Variants in GPATCH2 observed in about 807,000 individuals in gnomAD.
GPATCH2 encodes G-patch domain containing 2.
GPATCH2 carries 51 observed loss-of-function variants against 58.0 expected under a neutral mutation model. The observed-to-expected ratio is 0.88, with a 90% confidence interval of 0.70 to 1.11. The LOEUF (loss-of-function observed/expected upper bound fraction) is 1.11. Ranked by LOEUF, GPATCH2 falls within the 50% of genes most tolerant of loss-of-function variation. The pLI is 0.00. For missense variants in GPATCH2, 625 were observed against 652.2 expected, an observed-to-expected ratio of 0.96 and a Z score of 0.45; for synonymous variants, 222 against 218.5, an observed-to-expected ratio of 1.02 and a Z score of -0.14.
At chr1:217,584,344 A>AAATATATATATAT (rs1463910405) in intron 5 of GPATCH2, among the ~76,000 whole-genome samples, 1 of 101,876 alleles carries the variant, frequency 9.8e-6, no homozygotes, top group Non-Finnish European at 1.9e-5. Context: ...AAAAAAAAAA[A>AAATATATATATAT]ATATATATAT....
chr1:217,458,004 G>C (rs1195295276), intron 8 of GPATCH2, among the ~76,000 whole-genome samples: 1 of 152,124 alleles, frequency 6.6e-6, no homozygotes, highest in Non-Finnish European at 1.5e-5. Context: ...GAGGCGGGCG[G>C]ACCACGAAGT....
intron 5 of GPATCH2, among the ~76,000 whole-genome samples, chr1:217,563,839 G>A (rs1666055902): frequency 6.6e-6 from 1 of 152,048 alleles, no homozygotes; most frequent in Admixed American, 6.5e-5. Context: ...GAGGTAAGGA[G>A]TTCGAGACCA....
chr1:217,438,794 C>A (rs1266353053), intron 9 of GPATCH2, among the ~76,000 whole-genome samples: 2 of 147,516 alleles, frequency 1.4e-5, no homozygotes, highest in Non-Finnish European at 3.0e-5. Flanking sequence ...AAATACTCTT[C>A]AGGATATTAT....
intron 9 of GPATCH2, among the ~76,000 whole-genome samples, chr1:217,445,326 C>T (rs1233887432): frequency 6.6e-6 from 1 of 151,936 alleles, no homozygotes. Context: ...ATATAGTAGC[C>T]ATAATATCTC....
intron 8 of GPATCH2, among the ~76,000 whole-genome samples, chr1:217,471,605 G>A (rs1048306184): frequency 5.3e-5 from 8 of 152,124 alleles, no homozygotes; most frequent in Admixed American, 3.3e-4. Context: ...AAAAACAAAC[G>A]TGTTCTGTAT....
chr1:217,449,447 C>G, intron 8 of GPATCH2, 110 bp from the exon 9 acceptor site: 1 of 690,516 alleles, frequency 1.4e-6, no homozygotes. Flanking sequence ...AAAGATGGAG[C>G]TGCGTAGTAA....
intron 8 of GPATCH2, among the ~76,000 whole-genome samples, chr1:217,484,678 TACACATATGA>T (rs1174896285): frequency 1.3e-5 from 2 of 150,098 alleles, no homozygotes; most frequent in Non-Finnish European, 3.0e-5. Flanking sequence ...TACACGTGTA[TACACATATGA>T]ACATATATGT....
At chr1:217,543,637 A>T (rs1571891387) in intron 5 of GPATCH2, among the ~76,000 whole-genome samples, 1 of 152,168 alleles carries the variant, frequency 6.6e-6, no homozygotes, top group South Asian at 2.1e-4. Context: ...TGTCTGACTT[A>T]TAGGGATAGT....
rs947986562 is a variant in GPATCH2 at position 217,592,470 on chromosome 1, C to T, written c.1098+17851G>A. ...AAAAATGGATACCAATATGACTTCA[C>T]TATGGAATCAGTGAAAGTACAAAAT... On this transcript the variant is annotated intron_variant, in intron 5 of 9. Transcript: ENST00000366935. 7.9e-5 allele frequency among the ~76,000 whole-genome samples: 12 copies of T among 151,882 alleles called. No individual in the cohort carries two copies. In the Middle Eastern group the frequency reaches 0.017, roughly 215 times the overall value.
intron 5 of GPATCH2, among the ~76,000 whole-genome samples, chr1:217,555,437 G>C (rs1571910905): frequency 6.6e-6 from 1 of 152,228 alleles, no homozygotes; most frequent in Admixed American, 6.5e-5. Context: ...AGCTTGAGCA[G>C]GACAATTTGC....
intron 8 of GPATCH2, among the ~76,000 whole-genome samples, chr1:217,461,525 G>A (rs1660197433): frequency 6.6e-6 from 1 of 152,100 alleles, no homozygotes; most frequent in African/African-American, 2.4e-5. Flanking sequence ...TGCCATATCA[G>A]GTATTTAATA....
At chr1:217,546,641 T>A (rs1296639412) in intron 5 of GPATCH2, among the ~76,000 whole-genome samples, 1 of 152,068 alleles carries the variant, frequency 6.6e-6, no homozygotes, top group East Asian at 1.9e-4. Context: ...ACCCAAAACA[T>A]AAAAACTCTG....
intron 6 of GPATCH2, among the ~76,000 whole-genome samples, chr1:217,506,075 CTTAAAT>C (rs1662545920): frequency 6.6e-6 from 1 of 152,146 alleles, no homozygotes; most frequent in South Asian, 2.1e-4. Context: ...CCCATTTCGG[CTTAAAT>C]TTAAATTCAT....
intron 5 of GPATCH2, among the ~76,000 whole-genome samples, chr1:217,565,382 T>C (rs1044377627): frequency 6.6e-6 from 1 of 152,192 alleles, no homozygotes; most frequent in African/African-American, 2.4e-5. Flanking sequence ...AGAAATTCAA[T>C]TTTTTAAAAT....
chr1:217,463,521 G>T (rs993295685), intron 8 of GPATCH2, among the ~76,000 whole-genome samples: 8 of 151,648 alleles, frequency 5.3e-5, no homozygotes, highest in African/African-American at 1.9e-4. Context: ...GAATTTTTAA[G>T]TAGGCCAGCA....
At chr1:217,475,408 C>T (rs1660924245) in intron 8 of GPATCH2, among the ~76,000 whole-genome samples, 2 of 152,100 alleles carry the variant, frequency 1.3e-5, no homozygotes, top group African/African-American at 2.4e-5. Flanking sequence ...CACTGCACTC[C>T]AGCCTGGGCG....
intron 7 of GPATCH2, chr1:217,498,133 T>A: frequency 1.6e-6 from 1 of 617,884 alleles, no homozygotes; most frequent in South Asian, 1.9e-5. Flanking sequence ...AGGTCACAAG[T>A]ATGACTGAAG....
intron 5 of GPATCH2, among the ~76,000 whole-genome samples, chr1:217,534,119 G>C: frequency 6.6e-6 from 1 of 152,092 alleles, no homozygotes; most frequent in East Asian, 1.9e-4. Flanking sequence ...AGGAGGCTGA[G>C]GCAGGAGAAT....
chr1:217,546,625 T>C (rs1558474130), intron 5 of GPATCH2, among the ~76,000 whole-genome samples: 1 of 152,190 alleles, frequency 6.6e-6, no homozygotes, highest in East Asian at 1.9e-4. Flanking sequence ...AAGATTTAAA[T>C]GTAAAACCCA....
Sources: allele counts gnomAD v4.1 joint callset (sites outside exome capture counted in the v4.1 genomes callset), GRCh38; gene constraint gnomAD v4.1.1; transcripts MANE v1.5; gene names NCBI Gene and HGNC (gene_info 2026-07-23, HGNC 2026-07-21).